The following GALNT13 variants were observed in gnomAD, a reference collection of about 807,000 sequenced individuals.
GALNT13 encodes UDP-GalNAc:polypeptide N-acetylgalactosaminyltransferase 13.
Under a neutral mutation model 64.2 loss-of-function variants are expected in GALNT13, and 28 were observed. The observed-to-expected ratio is 0.44, with a 90% CI of 0.32 to 0.60. The LOEUF (loss-of-function observed/expected upper bound fraction) is 0.60, where lower values mean the gene tolerates loss of function less well. Ranked by LOEUF, GALNT13 falls within the 20% of genes least tolerant of loss-of-function variation. The pLI is 0.05. For missense variants in GALNT13, 577 were observed against 669.8 expected, an observed-to-expected ratio of 0.86 and a Z score of 1.53; for synonymous variants, 214 against 224.6, an observed-to-expected ratio of 0.95 and a Z score of 0.42.
At chr2:153,982,913 G>A (rs772647787) in intron 3 of GALNT13, among the ~76,000 whole-genome samples, 1 of 151,846 alleles carries the variant, frequency 6.6e-6, no homozygotes, top group Non-Finnish European at 1.5e-5. Flanking sequence ...TTAAGTTACC[G>A]GGTATATTTA....
At chr2:153,212,074 T>C in the GALNT13 span, among the ~76,000 whole-genome samples, 3 of 152,206 alleles carry the variant, frequency 2.0e-5, no homozygotes, top group Non-Finnish European at 4.4e-5. Context: ...CTCAAGGTGC[T>C]GTGTTTACAG....
the GALNT13 span, among the ~76,000 whole-genome samples, chr2:153,220,946 G>C: frequency 6.6e-6 from 1 of 152,058 alleles, no homozygotes; most frequent in African/African-American, 2.4e-5. Flanking sequence ...AGAATACATG[G>C]ACACATAGAG....
the GALNT13 span, among the ~76,000 whole-genome samples, chr2:153,559,717 A>T: frequency 7.9e-5 from 12 of 152,038 alleles, no homozygotes; most frequent in Non-Finnish European, 1.5e-4. Context: ...ATTGGTTATT[A>T]TCCCTATCTG....
the GALNT13 span, among the ~76,000 whole-genome samples, chr2:153,359,359 A>C: frequency 8.4e-3 from 1,274 of 152,274 alleles, 17 homozygotes; most frequent in African/African-American, 0.028. Flanking sequence ...AACACCTTTT[A>C]ATTTTTGTCA....
chr2:153,630,805 A>ATATATTTATT, the GALNT13 span, among the ~76,000 whole-genome samples: 1 of 15,006 alleles, frequency 6.7e-5, no homozygotes, highest in Non-Finnish European at 1.2e-4. Flanking sequence ...ATATATATAT[A>ATATATTTATT]TATTTTTTTT....
In GALNT13 at chr2:154,212,098, C is replaced by T. The variant is rs1274486621; in HGVS notation, c.312-29932C>T. Among the ~76,000 whole-genome samples, 3 of 152,098 alleles carry T rather than the reference C, an allele frequency of 2.0e-5. No homozygotes were observed. The East Asian group carries it at 5.8e-4, about 30-fold the overall frequency. On this transcript the variant is annotated intron_variant, in intron 4 of 12. Coordinates refer to ENST00000392825, the MANE Select transcript of GALNT13 (RefSeq NM_052917.4). ...TTTACTAGCATATTAAGTTGAGAAG[C>T]CAGATTGAATTGTGTTGGAAAGAGA...
At chr2:154,237,681 G>T (rs367953109) in intron 4 of GALNT13, among the ~76,000 whole-genome samples, 5 of 151,418 alleles carry the variant, frequency 3.3e-5, no homozygotes, top group South Asian at 2.1e-4. Context: ...AAGATGTGCA[G>T]TTTTTTCATT....
chr2:153,944,444 A>C lies in GALNT13; in HGVS notation c.-54A>C. 3.2e-6 allele frequency: 5 copies of C among 1,557,368 alleles called. No individual in the cohort carries two copies. Among genetic ancestry groups the C allele is most frequent in the Non-Finnish European group, 4.4e-6 (5 of 1,138,960 alleles). On this transcript the variant is annotated 5_prime_UTR_variant, in exon 3 of 13. Transcript: ENST00000392825. ...GAGTTCACCTGTGTGGCTTGGATTT[A>C]TCACAGTAGCATTTGTCTTCAATCT...
chr2:153,547,107 C>T, the GALNT13 span, among the ~76,000 whole-genome samples: 1 of 152,180 alleles, frequency 6.6e-6, no homozygotes, highest in African/African-American at 2.4e-5. Flanking sequence ...TCAAGAATTT[C>T]CTGCACTATT....
chr2:154,374,430 G>A (rs1275960819), intron 9 of GALNT13, among the ~76,000 whole-genome samples: 1 of 152,126 alleles, frequency 6.6e-6, no homozygotes, highest in Non-Finnish European at 1.5e-5. Context: ...TTTAGTACAA[G>A]GAAAACCGAT....
chr2:153,456,027 G>T, the GALNT13 span, among the ~76,000 whole-genome samples: 5 of 152,222 alleles, frequency 3.3e-5, no homozygotes, highest in Admixed American at 6.5e-5. Flanking sequence ...TCATCAAGCT[G>T]TCCCTCTGAG....
intron 11 of GALNT13, among the ~76,000 whole-genome samples, chr2:154,430,227 A>C (rs1179366353): frequency 6.6e-6 from 1 of 152,224 alleles, no homozygotes; most frequent in Non-Finnish European, 1.5e-5. Context: ...AAGTAAATTG[A>C]AAACTTTATG....
Position 154,067,765 on chromosome 2 carries a change from T to C in GALNT13, c.143-72572T>C, listed in dbSNP as rs933546658. Among the ~76,000 whole-genome samples the C allele has an allele frequency of 9.9e-5, 15 of 152,180 alleles. No individual in the cohort carries two copies. The South Asian group carries it at 2.3e-3, about 23-fold the overall frequency. ...CTAAGACTTGAAACTATGAAATTAC[T>C]AAAAGAAAAATTTAGGGAAACTCTC... On this transcript the variant is annotated intron_variant, in intron 3 of 12. Coordinates refer to ENST00000392825, the MANE Select transcript of GALNT13 (RefSeq NM_052917.4).
chr2:154,190,945 G>A (rs927362763), intron 4 of GALNT13, among the ~76,000 whole-genome samples: 8 of 152,274 alleles, frequency 5.3e-5, no homozygotes, highest in Admixed American at 2.6e-4. Flanking sequence ...GAAATCTGGT[G>A]TGTATCTTAT....
the GALNT13 span, among the ~76,000 whole-genome samples, chr2:153,451,968 T>C: frequency 6.6e-6 from 1 of 152,208 alleles, no homozygotes; most frequent in Non-Finnish European, 1.5e-5. Context: ...ATGTGGATTC[T>C]CTTTCATATA....
intron 1 of GALNT13, among the ~76,000 whole-genome samples, chr2:153,876,930 G>A (rs1299031920): frequency 1.3e-5 from 2 of 152,040 alleles, no homozygotes; most frequent in Non-Finnish European, 2.9e-5. Flanking sequence ...CGTAATTAGA[G>A]TCCTCATGAA....
At chr2:153,295,451 C>T in the GALNT13 span, among the ~76,000 whole-genome samples, 1 of 151,058 alleles carries the variant, frequency 6.6e-6, no homozygotes, top group African/African-American at 2.4e-5. Context: ...AAAGCTGAAA[C>T]CAGCATACCC....
the GALNT13 span, among the ~76,000 whole-genome samples, chr2:153,684,703 G>C: frequency 6.6e-6 from 1 of 150,990 alleles, no homozygotes; most frequent in Non-Finnish European, 1.5e-5. Context: ...TTGTTATATA[G>C]CTAAACTTGT....
intron 4 of GALNT13, among the ~76,000 whole-genome samples, chr2:154,151,098 C>T (rs1276355093): frequency 3.3e-5 from 5 of 152,048 alleles, no homozygotes; most frequent in Admixed American, 6.6e-5. Context: ...CACAGTGCTT[C>T]GAATGCGTCC....
Sources: gnomAD v4.1 joint callset for allele counts (sites outside exome capture counted in the v4.1 genomes callset) on GRCh38, gnomAD v4.1.1 for gene constraint, MANE v1.5 for transcripts, NCBI Gene and HGNC (gene_info 2026-07-23, HGNC 2026-07-21) for gene names.